The following GRTP1 variants were observed in gnomAD, a reference collection of about 807,000 sequenced individuals.
The protein encoded by GRTP1 is growth hormone regulated TBC protein 1.
In GRTP1, 56 loss-of-function variants were observed where a neutral mutation model predicts 38.1. The ratio of observed to expected loss-of-function variants is 1.47; its 90% CI spans 1.19 to 1.84. The LOEUF is 1.84. Ranked by LOEUF, GRTP1 falls within the 40% of genes most tolerant of loss-of-function variation. GRTP1 has a pLI of 0.00. For synonymous variants in GRTP1, 217 were observed against 189.5 expected (o/e 1.14, Z -1.19); for missense variants, 506 against 453.9 (o/e 1.11, Z -1.04).
At chr13:113,363,285 G>A (rs1308389234) in intron 2 of GRTP1, among the ~76,000 whole-genome samples, 4 of 152,218 alleles carry the variant, frequency 2.6e-5, no homozygotes, top group Admixed American at 2.6e-4. Flanking sequence ...TCGGCTCACT[G>A]CAACCTCCGC....
intron 5 of GRTP1, among the ~76,000 whole-genome samples, chr13:113,334,546 C>T (rs2042928487): frequency 6.6e-6 from 1 of 152,058 alleles, no homozygotes; most frequent in African/African-American, 2.4e-5. Flanking sequence ...ATAAAGTTGT[C>T]CTAGGGTTAG....
chr13:113,326,721 G>A (rs1299132103), intron 5 of GRTP1, among the ~76,000 whole-genome samples: 1 of 152,162 alleles, frequency 6.6e-6, no homozygotes, highest in African/African-American at 2.4e-5. Context: ...GTCCCAAGGA[G>A]GTGCAGGCAC....
At chr13:113,336,024 T>C (rs759122855) in intron 5 of GRTP1, among the ~76,000 whole-genome samples, 2 of 152,146 alleles carry the variant, frequency 1.3e-5, no homozygotes, top group Non-Finnish European at 2.9e-5. Context: ...ACTCCTGACC[T>C]CAGGTGATCC....
At chr13:113,363,593 G>A (rs1043617762) in intron 2 of GRTP1, among the ~76,000 whole-genome samples, 169 bp downstream of exon 2, 1 of 152,148 alleles carries the variant, frequency 6.6e-6, no homozygotes, top group African/African-American at 2.4e-5. Flanking sequence ...ATCTCAAAGC[G>A]GGAAAACCGG....
chr13:113,331,648 CTTTTTTTTTT>C (rs59328510), intron 5 of GRTP1, among the ~76,000 whole-genome samples: 6 of 92,990 alleles, frequency 6.5e-5, no homozygotes, highest in African/African-American at 1.8e-4. Context: ...GTTTGGTTTA[CTTTTTTTTTT>C]TTTTTTTTTT....
intron 5 of GRTP1, 42 bp from the exon 6 acceptor site, chr13:113,326,133 C>A: frequency 6.3e-7 from 1 of 1,596,308 alleles, no homozygotes; most frequent in South Asian, 1.1e-5. Flanking sequence ...ACACTCCCGT[C>A]ACCTCCACAA....
intron 5 of GRTP1, among the ~76,000 whole-genome samples, chr13:113,328,527 A>G (rs1453599766): frequency 6.6e-6 from 1 of 151,064 alleles, no homozygotes; most frequent in Non-Finnish European, 1.5e-5. Context: ...TGAAGACTCA[A>G]ACAATTTTTT....
At position 113,347,677 on chromosome 13, in the gene GRTP1, A is replaced by C. The variant is rs12876878; in HGVS notation, c.466-2718T>G. On this transcript the variant is annotated intron_variant, in intron 4 of 7. Coordinates refer to ENST00000375431, the MANE Select transcript of GRTP1 (RefSeq NM_024719.4). ...GCAGATCTGGGAGGACCTCTGTGGC[A>C]GAGAGCAGACCCGGGAGGACCTCTG... 1.6e-3 allele frequency among the ~76,000 whole-genome samples: 19 copies of C among 12,196 alleles called. 1 individual carries two copies. Among genetic ancestry groups the C allele is most frequent in the Non-Finnish European group, 1.8e-3 (11 of 6,162 alleles). 8.0% of individuals were successfully genotyped at this position (12,196 alleles called of 152,430 possible). A position where few individuals can be genotyped will look rare whatever the true frequency, so the allele number is the denominator to read the frequency against.
At chr13:113,326,461 G>C (rs1387210311) in intron 5 of GRTP1, among the ~76,000 whole-genome samples, 1 of 147,556 alleles carries the variant, frequency 6.8e-6, no homozygotes, top group African/African-American at 2.5e-5. Context: ...CCTAAAGTCA[G>C]GAGTTCAAGA....
intron 2 of GRTP1, among the ~76,000 whole-genome samples, chr13:113,358,042 C>T (rs2043428097): frequency 6.6e-6 from 1 of 151,964 alleles, no homozygotes; most frequent in African/African-American, 2.4e-5. Context: ...ATTAGCCGGG[C>T]GTGGTGGCAG....
At chr13:113,333,977 G>C (rs1359260424) in intron 5 of GRTP1, among the ~76,000 whole-genome samples, 1 of 151,128 alleles carries the variant, frequency 6.6e-6, no homozygotes, top group Non-Finnish European at 1.5e-5. Context: ...TGGGATTATA[G>C]GTGTGCGCCA....
chr13:113,324,616 A>G lies in GRTP1; in HGVS notation c.922-39T>C, dbSNP rs555381923. On this transcript the variant is annotated intron_variant, in intron 7 of 7. Coordinates refer to ENST00000375431, the MANE Select transcript of GRTP1 (RefSeq NM_024719.4). ...AGTTAGTTTAAAAACAAACCCAACAACCCATTTCTACGTTAGCTCTCCCAG... is the reference window on the plus strand; with the variant it reads ...AGTTAGTTTAAAAACAAACCCAACAGCCCATTTCTACGTTAGCTCTCCCAG... 4 of 1,558,638 alleles carry G rather than the reference A, an allele frequency of 2.6e-6. No homozygotes were observed. The East Asian group carries it at 7.2e-5, about 28-fold the overall frequency.
At chr13:113,332,404 TACACACGTGCACACGCACACCACACAGGC>T (rs2042890293) in intron 5 of GRTP1, among the ~76,000 whole-genome samples, 1 of 132,210 alleles carries the variant, frequency 7.6e-6, no homozygotes, top group African/African-American at 2.9e-5. Flanking sequence ...CACACACAGG[TACACACGTGCACACGCACACCACACAGGC>T]ACACACGTGC....
chr13:113,336,646 G>T (rs2042959297), intron 5 of GRTP1, among the ~76,000 whole-genome samples: 1 of 152,138 alleles, frequency 6.6e-6, no homozygotes, highest in Non-Finnish European at 1.5e-5. Flanking sequence ...CCTTGCCCTG[G>T]GCCCTACCTC....
chr13:113,344,210 A>T (rs1037116342), intron 5 of GRTP1, among the ~76,000 whole-genome samples: 1 of 152,208 alleles, frequency 6.6e-6, no homozygotes, highest in Admixed American at 6.5e-5. Context: ...TCTGTGATCA[A>T]TACAAACCAC....
chr13:113,352,337 T>TTATATATATTTTTATATATATTTTATA lies in GRTP1; in HGVS notation c.341-1365_341-1364insTATAAAATATATATAAAAATATATATA, dbSNP rs2043295719. 4.4e-3 allele frequency among the ~76,000 whole-genome samples: 227 copies of TTATATATATTTTTATATATATTTTATA among 51,514 alleles called. 4 individuals are homozygous for TTATATATATTTTTATATATATTTTATA. Among genetic ancestry groups the TTATATATATTTTTATATATATTTTATA allele is most frequent in the South Asian group, 0.034 (61 of 1,798 alleles). 33.8% of individuals were successfully genotyped at this position (51,514 alleles called of 152,430 possible). A position where few individuals can be genotyped will look rare whatever the true frequency, so the allele number is the denominator to read the frequency against. On this transcript the variant is annotated intron_variant, in intron 3 of 7. Coordinates refer to ENST00000375431, the MANE Select transcript of GRTP1 (RefSeq NM_024719.4). ...TTTTATATATATTTTTATATATATT[T>TTATATATATTTTTATATATATTTTATA]TATATATATATTTATATATATTTTA...
intron 5 of GRTP1, 76 bp from the exon 6 acceptor site, chr13:113,326,167 CAA>C: frequency 1.9e-6 from 3 of 1,557,734 alleles, no homozygotes; most frequent in East Asian, 4.5e-5. Flanking sequence ...CAGAGCCAGA[CAA>C]AGACAACAGG....
rs1157460529 is a variant in GRTP1, at chr13:113,349,119, T to G, written c.465+1730A>C. On this transcript the variant is annotated intron_variant, in intron 4 of 7. Coordinates refer to ENST00000375431, the MANE Select transcript of GRTP1 (RefSeq NM_024719.4). This position sits in a 1 kb window ranked among gnomAD's most constrained non-coding sequence, Gnocchi z 5.0. Reference sequence around the variant, plus strand: ...ACTCTTGGCCTCAAGCAAACAATCCTCCTGCCTTGACCTCCCAAAGTGCAT... The same window carrying G: ...ACTCTTGGCCTCAAGCAAACAATCCGCCTGCCTTGACCTCCCAAAGTGCAT... Among the ~76,000 whole-genome samples the G allele has an allele frequency of 6.6e-6, 1 of 151,110 alleles. No individual in the cohort carries two copies.
At chr13:113,327,850 G>A (rs2042797533) in intron 5 of GRTP1, among the ~76,000 whole-genome samples, 1 of 152,218 alleles carries the variant, frequency 6.6e-6, no homozygotes, top group African/African-American at 2.4e-5. Context: ...GGGGGCTTGA[G>A]TGCCAGGCAG....
Sources: gnomAD v4.1 joint callset for allele counts (sites outside exome capture counted in the v4.1 genomes callset) on GRCh38, gnomAD v4.1.1 for gene constraint, Gnocchi (gnomAD v3.1) non-coding constraint, MANE v1.5 for transcripts, NCBI Gene and HGNC (gene_info 2026-07-23, HGNC 2026-07-21) for gene names.